Variants in FBXO31 observed in about 807,000 individuals in gnomAD.
The protein encoded by FBXO31 is F-box only protein 31.
A neutral mutation model predicts 54.4 loss-of-function variants in FBXO31; 24 were observed. The ratio of observed to expected loss-of-function variants is 0.44; its 90% CI spans 0.32 to 0.62. The LOEUF (loss-of-function observed/expected upper bound fraction) is 0.62, where lower values mean the gene tolerates loss of function less well. FBXO31 is among the 20% of genes least tolerant of loss of function. The pLI, the probability that FBXO31 is intolerant of heterozygous loss-of-function variation, is 0.05. For synonymous variants in FBXO31, 388 were observed against 335.6 expected (o/e 1.16, Z -1.71); for missense variants, 665 against 787.1 (o/e 0.84, Z 1.86).
rs574656563 is a variant in FBXO31 at position 87,372,674 on chromosome 16, C to A, written c.340+10731G>T. 2.0e-5 allele frequency among the ~76,000 whole-genome samples: 3 copies of A among 151,980 alleles called. No homozygotes were observed. In the East Asian group the frequency reaches 5.8e-4, roughly 29 times the overall value. On this transcript the variant is annotated intron_variant, in intron 1 of 8. Transcript: ENST00000311635. ...CTCCTGGGCTCATGTGATTCTCCCA[C>A]TTCAGCCACCTGAGTAGCTGGGGCC...
rs75438847 is a variant in FBXO31, at chr16:87,340,360, C to G, written c.732+2517G>C. On this transcript the variant is annotated intron_variant, in intron 5 of 8. Coordinates refer to ENST00000311635, the MANE Select transcript of FBXO31 (RefSeq NM_024735.5). ...TGGACAGACATATGGATCAGAGTAT[C>G]AAGTCCAGAAATGAACCAAGTATAC... 3.4e-3 allele frequency among the ~76,000 whole-genome samples: 523 copies of G among 152,306 alleles called. 4 individuals are homozygous for G. Among genetic ancestry groups the G allele is most frequent in the African/African-American group, 0.012 (512 of 41,550 alleles).
At chr16:87,342,431 A>G (rs2150673461) in intron 5 of FBXO31, among the ~76,000 whole-genome samples, 1 of 152,320 alleles carries the variant, frequency 6.6e-6, no homozygotes, top group South Asian at 2.1e-4. Flanking sequence ...TAAAATACTC[A>G]GGCAAACAAT....
At chr16:87,389,103 A>G (rs1367662292) in intron 1 of FBXO31, among the ~76,000 whole-genome samples, 1 of 151,926 alleles carries the variant, frequency 6.6e-6, no homozygotes, top group Non-Finnish European at 1.5e-5. Flanking sequence ...AAGTTACATG[A>G]AGTTGTTTCT....
At chr16:87,375,173 G>C (rs1359842299) in intron 1 of FBXO31, among the ~76,000 whole-genome samples, 3 of 152,228 alleles carry the variant, frequency 2.0e-5, no homozygotes. Flanking sequence ...GGGCGTGGTA[G>C]CGGGCGCCTG....
intron 2 of FBXO31, among the ~76,000 whole-genome samples, chr16:87,349,525 C>G (rs1011005103): frequency 6.6e-6 from 1 of 152,146 alleles, no homozygotes; most frequent in Non-Finnish European, 1.5e-5. Flanking sequence ...GCCTGGCCAA[C>G]ATGGTGAAAC....
chr16:87,388,826 A>C (rs1365784250), intron 1 of FBXO31: 1 of 152,238 alleles, frequency 6.6e-6, no homozygotes, highest in Non-Finnish European at 1.5e-5. Context: ...TTGGTAGTTT[A>C]AAGGCACCAT....
intron 1 of FBXO31, among the ~76,000 whole-genome samples, chr16:87,365,037 A>ATATATATATCTATCTATCTATCTATC (rs1489132121): frequency 9.4e-6 from 1 of 106,892 alleles, no homozygotes; most frequent in Non-Finnish European, 2.0e-5. Context: ...ATATATATAT[A>ATATATATATCTATCTATCTATCTATC]TATCAGGCAG....
chr16:87,344,493 G>C (rs540969420), intron 3 of FBXO31, among the ~76,000 whole-genome samples: 3 of 152,204 alleles, frequency 2.0e-5, no homozygotes, highest in Non-Finnish European at 4.4e-5. Context: ...TTCTGGGAGA[G>C]CTGGGACCCA....
chr16:87,332,686 C>A (rs1274721239), intron 8 of FBXO31, among the ~76,000 whole-genome samples: 1 of 151,014 alleles, frequency 6.6e-6, no homozygotes, highest in Middle Eastern at 3.4e-3. Context: ...ACATCCAAAC[C>A]CCCTCCGGGA....
chr16:87,365,352 A>G (rs1906321828), intron 1 of FBXO31, among the ~76,000 whole-genome samples: 1 of 151,944 alleles, frequency 6.6e-6, no homozygotes, highest in South Asian at 2.1e-4. Context: ...ATCCTCATGA[A>G]AGCAAAGAAA....
chr16:87,377,040 G>A (rs1235878877), intron 1 of FBXO31, among the ~76,000 whole-genome samples: 1 of 152,250 alleles, frequency 6.6e-6, no homozygotes, highest in Non-Finnish European at 1.5e-5. Context: ...AATTAAAGCT[G>A]CCACAATGAA....
intron 2 of FBXO31, among the ~76,000 whole-genome samples, chr16:87,353,814 G>A (rs922098553): frequency 3.9e-5 from 6 of 152,266 alleles, no homozygotes; most frequent in Non-Finnish European, 7.3e-5. Flanking sequence ...CAGGGCCCCG[G>A]ACACCTTGTC....
At chr16:87,364,696 C>T (rs1906279492) in intron 1 of FBXO31, among the ~76,000 whole-genome samples, 1 of 152,092 alleles carries the variant, frequency 6.6e-6, no homozygotes, top group Non-Finnish European at 1.5e-5. Context: ...GAGGAAATCC[C>T]ACCGCTGATA....
upstream of FBXO31, among the ~76,000 whole-genome samples, chr16:87,385,611 G>A (rs1907302409): frequency 6.6e-6 from 1 of 152,192 alleles, no homozygotes; most frequent in Non-Finnish European, 1.5e-5. Context: ...GCAGAGACCA[G>A]ACTTTGGATG....
chr16:87,387,380 T>C (rs944792002), upstream of FBXO31, among the ~76,000 whole-genome samples: 9 of 152,242 alleles, frequency 5.9e-5, no homozygotes, highest in African/African-American at 1.9e-4. Context: ...TTTAACACTA[T>C]GATGAGGCTT....
At chr16:87,357,702 T>G (rs1351859150) in intron 2 of FBXO31, among the ~76,000 whole-genome samples, 1 of 152,080 alleles carries the variant, frequency 6.6e-6, no homozygotes, top group African/African-American at 2.4e-5. Context: ...CCCAGAACTC[T>G]GGGAGGCCGA....
intron 2 of FBXO31, among the ~76,000 whole-genome samples, chr16:87,351,344 G>T (rs1032581072): frequency 3.3e-5 from 5 of 152,094 alleles, no homozygotes; most frequent in African/African-American, 1.2e-4. Context: ...TTATAAACAT[G>T]TCATCTAGAT....
At chr16:87,365,405 G>A (rs760104062) in intron 1 of FBXO31, among the ~76,000 whole-genome samples, 1 of 152,174 alleles carries the variant, frequency 6.6e-6, no homozygotes, top group Non-Finnish European at 1.5e-5. Context: ...TGCCCTAATT[G>A]TAACAGGAAG....
intron 1 of FBXO31, among the ~76,000 whole-genome samples, chr16:87,365,024 TA>T: frequency 9.7e-6 from 1 of 102,888 alleles, no homozygotes; most frequent in Middle Eastern, 4.6e-3. Context: ...TATATATATA[TA>T]TATATATATA....
Sources: allele counts gnomAD v4.1 joint callset (sites outside exome capture counted in the v4.1 genomes callset), GRCh38; gene constraint gnomAD v4.1.1; transcripts MANE v1.5; gene names NCBI Gene and HGNC (gene_info 2026-07-23, HGNC 2026-07-21).